The following ITLN1 variants were observed in gnomAD, a reference collection of about 807,000 sequenced individuals.
ITLN1 encodes intelectin-1.
Under a neutral mutation model 36.2 loss-of-function variants are expected in ITLN1, and 29 were observed. The observed-to-expected ratio is 0.80, with a 90% CI of 0.60 to 1.09. ITLN1 has a LOEUF of 1.09. Ranked by LOEUF, ITLN1 falls within the 50% of genes least tolerant of loss-of-function variation. ITLN1 has a pLI of 0.00. For synonymous variants in ITLN1, 143 were observed against 146.5 expected, an observed-to-expected ratio of 0.98 and a Z score of 0.17; for missense variants, 358 against 405.2, an observed-to-expected ratio of 0.88 and a Z score of 1.00.
Position 160,885,142 on chromosome 1 carries a change from A to G in ITLN1, c.-88T>C. 1 of 384,762 alleles carries G rather than the reference A, an allele frequency of 2.6e-6. No individual in the cohort carries two copies. 23.8% of individuals were successfully genotyped at this position (384,762 alleles called of 1,614,324 possible). On this transcript the variant is annotated 5_prime_UTR_variant, in exon 1 of 8. Transcript: ENST00000326245. Reference sequence around the variant, plus strand: ...CCTCCACTGCGCCCTGGAGCTCAACAGAGTGCAGCTTTCTCCAAAAACGCT... The same window carrying G: ...CCTCCACTGCGCCCTGGAGCTCAACGGAGTGCAGCTTTCTCCAAAAACGCT...
chr1:160,882,067 G>A lies in ITLN1; in HGVS notation c.295C>T (p.Arg99Cys), dbSNP rs370375904. The change falls in exon 4 of 8, where the codon CGC becomes TGC. Residue 99 changes from arginine (R) to cysteine (C), a missense_variant. Arg to Cys is a radical substitution (Grantham distance 180). Coordinates refer to ENST00000326245, the MANE Select transcript of ITLN1 (RefSeq NM_017625.3). ...TTGCTGCCCTGCTGACTGGACCAGC[G>A]ATCGCCCACCGTGCACTTCCCACGC... is the stretch of plus-strand genomic sequence containing the variant. Reference protein sequence around the residue: ...DMRGKCTVGDRWSSQQGSKAV... With the variant: ...DMRGKCTVGDCWSSQQGSKAV... 24 of 1,613,964 alleles carry A rather than the reference G, an allele frequency of 1.5e-5. No individual in the cohort carries two copies. The highest frequency in any genetic ancestry group is 4.0e-5 in the African/African-American group (3 of 74,862).
Position 160,882,250 on chromosome 1 carries a change from G to A in ITLN1, c.158-46C>T, listed in dbSNP as rs746837421. The stretch of plus-strand genomic sequence containing the variant: ...GAGCCTCCCTGTCTGAGAGCTGAGG[G>A]TTCATTTCAGCCCCATGACAAGAAA... On this transcript the variant is annotated intron_variant, in intron 3 of 7. Coordinates refer to ENST00000326245, the MANE Select transcript of ITLN1 (RefSeq NM_017625.3). 4.6e-6 allele frequency: 7 copies of A among 1,530,146 alleles called. No homozygotes were observed. In the East Asian group the frequency reaches 1.6e-4, roughly 35 times the overall value. The allele number at this position is 1,530,146 out of a possible 1,614,324, so 94.8% of individuals were successfully genotyped here.
Position 160,882,119 on chromosome 1 carries a change from C to G in ITLN1, c.243G>C (p.Leu81=), listed in dbSNP as rs895594957. The G allele has an allele frequency of 6.2e-7, 1 of 1,613,862 alleles. No individual in the cohort carries two copies. The highest frequency in any genetic ancestry group is 8.5e-7 in the Non-Finnish European group (1 of 1,179,904). ...DMTSGGGGWT[L]VASVHENDMR... ...TGTCATTCTCGTGCACGCTGGCCACCAGGGTCCAGCCGCCACCCCCAGAGG... is the reference window on the plus strand; with the variant it reads ...TGTCATTCTCGTGCACGCTGGCCACGAGGGTCCAGCCGCCACCCCCAGAGG... Residue 81 remains leucine, a synonymous_variant, in exon 4 of 8, where the codon CTG becomes CTC. Coordinates refer to ENST00000326245, the MANE Select transcript of ITLN1 (RefSeq NM_017625.3).
chr1:160,882,291 A>G (rs1005194772), intron 3 of ITLN1, 87 bp from the exon 4 acceptor site: 11 of 1,496,570 alleles, frequency 7.4e-6, no homozygotes, highest in African/African-American at 1.4e-5. Flanking sequence ...TAGGAACCAG[A>G]GACATGGCCT....
Position 160,884,817 on chromosome 1 carries a change from C to T in ITLN1, c.58+3G>A. 6.2e-7 allele frequency: 1 copy of T among 1,607,568 alleles called. No individual in the cohort carries two copies. The highest frequency in any genetic ancestry group is 8.5e-7 in the Non-Finnish European group (1 of 1,174,340). The stretch of plus-strand genomic sequence containing the variant: ...AACTGCTGTCCCTAGCAGCGTGACT[C>T]ACCTGTACTCCATCCTCTGGTGGTC... On this transcript the variant is annotated splice_donor_region_variant and intron_variant, in intron 2 of 7. Transcript: ENST00000326245.
chr1:160,881,851 C>G lies in ITLN1; in HGVS notation c.405+106G>C, dbSNP rs796626868. 15 of 1,434,724 alleles carry G rather than the reference C, an allele frequency of 1.0e-5. No individual in the cohort carries two copies. In the African/African-American group the frequency reaches 2.2e-4, roughly 21 times the overall value. 88.9% of individuals were successfully genotyped at this position (1,434,724 alleles called of 1,614,324 possible). A position where few individuals can be genotyped will look rare whatever the true frequency, so the allele number is the denominator to read the frequency against. On this transcript the variant is annotated intron_variant, in intron 4 of 7. Coordinates refer to ENST00000326245, the MANE Select transcript of ITLN1 (RefSeq NM_017625.3). ...GATATAAGTATTTCTCTCTTCTTCT[C>G]CAGCCCATCCCACACCCCTACCTTC...
chr1:160,883,526 T>C lies in ITLN1; in HGVS notation c.59A>G (p.Asp20Gly). 2 of 1,597,138 alleles carry C rather than the reference T, an allele frequency of 1.3e-6. No individual in the cohort carries two copies. Among genetic ancestry groups the C allele is most frequent in the South Asian group, 1.1e-5 (1 of 90,742 alleles). The change falls in exon 3 of 8, where the codon GAT (aspartate) becomes GGT (glycine). Residue 20 changes from aspartate (D) to glycine (G), a missense_variant and splice_region_variant. Asp to Gly is a moderately conservative substitution (Grantham distance 94). Coordinates refer to ENST00000326245, the MANE Select transcript of ITLN1 (RefSeq NM_017625.3). ...TTCCTTGAAGTAAGTATTAGCCTCATCTAGGGAATACACAGGGTTTATTCT... is the reference window on the plus strand; with the variant it reads ...TTCCTTGAAGTAAGTATTAGCCTCACCTAGGGAATACACAGGGTTTATTCT... ...LIATTRGWST[D>G]EANTYFKEWT...
At chr1:160,881,684 T>C (rs1670680611) in intron 4 of ITLN1, among the ~76,000 whole-genome samples, 1 of 151,748 alleles carries the variant, frequency 6.6e-6, no homozygotes, top group South Asian at 2.1e-4. Flanking sequence ...TAGTGGGCGC[T>C]TGTAGTCCCA....
chr1:160,876,777 G>T lies in ITLN1; in HGVS notation c.829C>A (p.Pro277Thr). Residue 277 changes from proline to threonine, a missense_variant, in exon 8 of 8, where the codon CCC (proline) becomes ACC (threonine). Transcript: ENST00000326245. ...GGGGYFPEAS[P>T]QQCGDFSGFD... ...CCAGAAAAATCTCCACACTGCTGGG[G>T]ACTGGCCTCTGGAAAGTATCCTCCT... 1 of 1,614,198 alleles carries T rather than the reference G, an allele frequency of 6.2e-7. No homozygotes were observed. Among genetic ancestry groups the T allele is most frequent in the Non-Finnish European group, 8.5e-7 (1 of 1,180,022 alleles).
intron 2 of ITLN1, among the ~76,000 whole-genome samples, chr1:160,884,415 T>TTATATATATATATATATTTCTTATA (rs1312066565): frequency 1.2e-3 from 190 of 152,050 alleles, no homozygotes; most frequent in African/African-American, 4.6e-3. Flanking sequence ...AAAAAAAAAT[T>TTATATATATATATATATTTCTTATA]TTTAGACGTG....
chr1:160,877,821 T>G (rs559274449), intron 7 of ITLN1, among the ~76,000 whole-genome samples: 28 of 152,332 alleles, frequency 1.8e-4, no homozygotes, highest in Admixed American at 5.2e-4. Flanking sequence ...ACCAGCTCCT[T>G]GATGCCGTCC....
chr1:160,880,169 G>A (rs1670653107), intron 6 of ITLN1, among the ~76,000 whole-genome samples: 1 of 152,128 alleles, frequency 6.6e-6, no homozygotes, highest in South Asian at 2.1e-4. Flanking sequence ...GCTGGGCGTG[G>A]TGGTGGGCAC....
At chr1:160,883,702 C>G (rs559039221) in intron 2 of ITLN1, among the ~76,000 whole-genome samples, 176 bp from the exon 3 acceptor site, 12 of 152,142 alleles carry the variant, frequency 7.9e-5, no homozygotes, top group South Asian at 4.1e-4. Flanking sequence ...CCACTCAGCC[C>G]ATCGGCATCA....
At chr1:160,878,531 C>T (rs1258851431) in intron 7 of ITLN1, among the ~76,000 whole-genome samples, 3 of 151,934 alleles carry the variant, frequency 2.0e-5, no homozygotes, top group Non-Finnish European at 4.4e-5. Flanking sequence ...AGACCACAGG[C>T]ATGCACCACC....
intron 4 of ITLN1, among the ~76,000 whole-genome samples, chr1:160,881,682 G>A (rs1410774681): frequency 3.3e-5 from 5 of 151,730 alleles, no homozygotes; most frequent in South Asian, 2.1e-4. Context: ...GGTAGTGGGC[G>A]CTTGTAGTCC....
At chr1:160,882,419 G>C (rs1010493527) in intron 3 of ITLN1, 10 of 463,036 alleles carry the variant, frequency 2.2e-5, no homozygotes, top group Non-Finnish European at 3.3e-5. Flanking sequence ...TAAAATCCCA[G>C]TGACATTTTT....
At position 160,884,838 on chromosome 1, in the gene ITLN1, T is replaced by G; in HGVS notation, c.40A>C (p.Thr14Pro). ...LSFLLFLIAT[T>P]RGWSTDEANT... Reference sequence around the variant, plus strand: ...GACTCACCTGTACTCCATCCTCTGGTGGTCGCTATGAGAAACAGCAGGAAG... The same window carrying G: ...GACTCACCTGTACTCCATCCTCTGGGGGTCGCTATGAGAAACAGCAGGAAG... Residue 14 changes from threonine to proline, a missense_variant, in exon 2 of 8, where the codon ACC becomes CCC. Transcript: ENST00000326245. 2 of 1,612,684 alleles carry G rather than the reference T, an allele frequency of 1.2e-6. No homozygotes were observed. Among genetic ancestry groups the G allele is most frequent in the Non-Finnish European group, 1.7e-6 (2 of 1,179,030 alleles).
chr1:160,880,989 C>T, intron 5 of ITLN1, among the ~76,000 whole-genome samples, 165 bp downstream of exon 5: 1 of 152,210 alleles, frequency 6.6e-6, no homozygotes. Context: ...GGTCCCTTCT[C>T]TTGCCTGGCT....
At position 160,882,116 on chromosome 1, in the gene ITLN1, C is replaced by G. The variant is rs1357472929; in HGVS notation, c.246G>C (p.Val82=). The G allele has an allele frequency of 6.2e-7, 1 of 1,613,864 alleles. No individual in the cohort carries two copies. The highest frequency in any genetic ancestry group is 2.2e-5 in the East Asian group (1 of 44,892). The change falls in exon 4 of 8, where the codon GTG becomes GTC. Residue 82 remains valine, a synonymous_variant. Transcript: ENST00000326245. ...MTSGGGGWTL[V]ASVHENDMRG... is the part of the protein sequence containing the mutation. ...GCATGTCATTCTCGTGCACGCTGGC[C>G]ACCAGGGTCCAGCCGCCACCCCCAG...
Sources: allele counts gnomAD v4.1 joint callset (sites outside exome capture counted in the v4.1 genomes callset), GRCh38; gene constraint gnomAD v4.1.1; transcripts MANE v1.5; gene names NCBI Gene and HGNC (gene_info 2026-07-23, HGNC 2026-07-21).